The following LHPP variants were observed in gnomAD, a reference collection of about 807,000 sequenced individuals.
LHPP encodes hLHPP.
LHPP carries 24 observed loss-of-function variants against 30.3 expected under a neutral mutation model. The ratio of observed to expected loss-of-function variants is 0.79; its 90% CI spans 0.57 to 1.11. The LOEUF is 1.11. LHPP is among the 50% of genes most tolerant of loss of function. The pLI, the probability that LHPP is intolerant of heterozygous loss-of-function variation, is 0.00. For synonymous variants in LHPP, 150 were observed against 157.1 expected, an observed-to-expected ratio of 0.95 and a Z score of 0.34; for missense variants, 356 against 367.2, an observed-to-expected ratio of 0.97 and a Z score of 0.25.
intron 6 of LHPP, chr10:124,553,910 T>C: frequency 1.0e-6 from 1 of 985,486 alleles, no homozygotes. Context: ...GCTGTTGGCA[T>C]CTGTTCTTTT....
At position 124,592,896 on chromosome 10, in the gene LHPP, G is replaced by A. The variant is rs913342180; in HGVS notation, c.717-20368G>A. Among the ~76,000 whole-genome samples, 16 of 152,326 alleles carry A rather than the reference G, an allele frequency of 1.1e-4. No homozygotes were observed. Among genetic ancestry groups the A allele is most frequent in the African/African-American group, 3.8e-4 (16 of 41,578 alleles). ...GGATGGGGTCCCTGTGGGCACAATC[G>A]GCCCAGTGTGGGGCGCACCGCCCCA... On this transcript the variant is annotated intron_variant, in intron 6 of 6. Coordinates refer to ENST00000368842, the MANE Select transcript of LHPP (RefSeq NM_022126.4). The surrounding 1 kb of genome is among the most constrained non-coding windows in gnomAD (Gnocchi z 6.2).
At chr10:124,575,536 C>T (rs1948646847) in intron 6 of LHPP, among the ~76,000 whole-genome samples, 1 of 152,170 alleles carries the variant, frequency 6.6e-6, no homozygotes. Context: ...TGACAGTCCC[C>T]TGTGCCCATG....
In LHPP at chr10:124,461,922, C is replaced by A; in HGVS notation, c.60C>A (p.Gly20=). 1 of 1,252,614 alleles carries A rather than the reference C, an allele frequency of 8.0e-7. No individual in the cohort carries two copies. Among genetic ancestry groups the A allele is most frequent in the East Asian group, 3.1e-5 (1 of 32,692 alleles). The allele number at this position is 1,252,614 out of a possible 1,614,324, so 77.6% of individuals were successfully genotyped here. The part of the protein sequence containing the change: ...GVRGVLLDIS[G]VLYDSGAGGG... Reference sequence around the variant, plus strand: ...GCGGGGTGCTGCTTGACATCTCGGGCGTGCTGTACGACAGCGGCGCGGGCG... The same window carrying A: ...GCGGGGTGCTGCTTGACATCTCGGGAGTGCTGTACGACAGCGGCGCGGGCG... Residue 20 remains glycine (G), a synonymous_variant, in exon 1 of 7, where the codon GGC becomes GGA. Coordinates refer to ENST00000368842, the MANE Select transcript of LHPP (RefSeq NM_022126.4).
At position 124,589,624 on chromosome 10, in the gene LHPP, C is replaced by T. The variant is rs1389599467; in HGVS notation, c.717-23640C>T. 2.6e-5 allele frequency among the ~76,000 whole-genome samples: 4 copies of T among 152,234 alleles called. No homozygotes were observed. In the East Asian group the frequency reaches 7.7e-4, roughly 29 times the overall value. On this transcript the variant is annotated intron_variant, in intron 6 of 6. Coordinates refer to ENST00000368842, the MANE Select transcript of LHPP (RefSeq NM_022126.4). ...CAGGTCCCAGTGTGCAGAGCTCACC[C>T]GGCCCCAGCTTTCATCACCCATCTG...
At chr10:124,492,816 G>A (rs187681813) in intron 3 of LHPP, among the ~76,000 whole-genome samples, 73 of 152,298 alleles carry the variant, frequency 4.8e-4, no homozygotes, top group African/African-American at 1.7e-3. Context: ...AGGCCTTTGA[G>A]TCACCAACAC....
intron 5 of LHPP, 115 bp downstream of exon 5, chr10:124,498,243 C>A: frequency 6.7e-7 from 1 of 1,495,334 alleles, no homozygotes. Context: ...GGCAGCCAAG[C>A]GTGGGCTCCC....
At chr10:124,501,615 A>AG (rs1343780459) in intron 5 of LHPP, among the ~76,000 whole-genome samples, 15 of 150,372 alleles carry the variant, frequency 1.0e-4, no homozygotes, top group Non-Finnish European at 2.9e-5. Flanking sequence ...AAAAAAAAAA[A>AG]AAAAAAGAAA....
intron 6 of LHPP, among the ~76,000 whole-genome samples, chr10:124,587,476 C>T (rs945642442): frequency 1.3e-5 from 2 of 151,754 alleles, no homozygotes; most frequent in Non-Finnish European, 2.9e-5. Flanking sequence ...CGCAGTGGCT[C>T]ACGTCTGTAA....
intron 1 of LHPP, among the ~76,000 whole-genome samples, chr10:124,462,614 AC>A (rs1176083759): frequency 2.6e-5 from 4 of 152,060 alleles, no homozygotes; most frequent in African/African-American, 7.2e-5. Flanking sequence ...CCCCAAAAAC[AC>A]CAGACTTCGT....
At chr10:124,474,141 T>G (rs1030594972) in intron 1 of LHPP, among the ~76,000 whole-genome samples, 16 of 141,846 alleles carry the variant, frequency 1.1e-4, no homozygotes, top group African/African-American at 3.9e-4. Flanking sequence ...CCTTTTTTTT[T>G]TTTTTTTTTT....
Position 124,498,423 on chromosome 10 carries a change from A to G in LHPP, c.624+295A>G. ...AGGATAAGAATTGACAAGTCCTATC[A>G]GTGTGTTAATATATCTCACTGGCAA... is the stretch of plus-strand genomic sequence containing the variant. On this transcript the variant is annotated intron_variant, in intron 5 of 6. Transcript: ENST00000368842. 2.6e-5 allele frequency: 40 copies of G among 1,536,634 alleles called. 1 individual carries two copies. Among genetic ancestry groups the G allele is most frequent in the Admixed American group, 4.0e-5 (2 of 50,238 alleles).
intron 6 of LHPP, among the ~76,000 whole-genome samples, chr10:124,568,757 A>C (rs1381690679): frequency 1.3e-5 from 2 of 152,180 alleles, no homozygotes; most frequent in South Asian, 2.1e-4. Flanking sequence ...AGTGAGGAGG[A>C]GGCCAGCTTT....
At chr10:124,525,420 A>G (rs1589829127) in intron 6 of LHPP, among the ~76,000 whole-genome samples, 1 of 152,202 alleles carries the variant, frequency 6.6e-6, no homozygotes, top group South Asian at 2.1e-4. Flanking sequence ...TTATGCCCCC[A>G]CCACGGGGGG....
At chr10:124,591,219 A>C (rs1948879361) in intron 6 of LHPP, among the ~76,000 whole-genome samples, 1 of 152,214 alleles carries the variant, frequency 6.6e-6, no homozygotes, top group South Asian at 2.1e-4. Flanking sequence ...TCCAGCCGGC[A>C]TGGCCTGAGC....
chr10:124,508,319 A>G (rs1954212993), intron 5 of LHPP, among the ~76,000 whole-genome samples: 1 of 152,136 alleles, frequency 6.6e-6, no homozygotes, highest in South Asian at 2.1e-4. Flanking sequence ...CCTGACTGGG[A>G]GCAGGCTGGC....
intron 6 of LHPP, among the ~76,000 whole-genome samples, chr10:124,591,569 A>C (rs2134001914): frequency 6.6e-6 from 1 of 152,242 alleles, no homozygotes; most frequent in East Asian, 1.9e-4. Context: ...CCAAGGCCAC[A>C]CAGCAGGTGG....
rs1953300838 is a variant in LHPP at position 124,485,591 on chromosome 10, T to C, written c.313+1265T>C. On this transcript the variant is annotated intron_variant, in intron 2 of 6. Transcript: ENST00000368842. ...CAACAAAGTTCAAATAATTTTTACT[T>C]GGAATAGTTTTGGTTTTTTTTTTGG... 6.5e-5 allele frequency among the ~76,000 whole-genome samples: 9 copies of C among 138,658 alleles called. No individual in the cohort carries two copies. The Admixed American group carries it at 7.0e-4, about 11-fold the overall frequency. 91.0% of individuals were successfully genotyped at this position (138,658 alleles called of 152,430 possible).
At chr10:124,601,814 C>T (rs1564848683) in intron 6 of LHPP, among the ~76,000 whole-genome samples, 1 of 152,268 alleles carries the variant, frequency 6.6e-6, no homozygotes, top group Admixed American at 6.5e-5. Context: ...TTGCCTCAGG[C>T]CTGGCTCCCC....
rs779128039 is a variant in LHPP at position 124,592,174 on chromosome 10, T to A, written c.717-21090T>A. Among the ~76,000 whole-genome samples the A allele has an allele frequency of 6.6e-6, 1 of 152,182 alleles. No homozygotes were observed. The highest frequency in any genetic ancestry group is 1.5e-5 in the Non-Finnish European group (1 of 68,028). ...GGCACAGTGTGGTCTGGCCTGTGAC[T>A]AGGTGAGGGACAGTGCGGGGTGGCC... is the stretch of plus-strand genomic sequence containing the variant. On this transcript the variant is annotated intron_variant, in intron 6 of 6. Transcript: ENST00000368842. The surrounding 1 kb of genome is among the most constrained non-coding windows in gnomAD (Gnocchi z 6.2).
Sources: allele counts gnomAD v4.1 joint callset (sites outside exome capture counted in the v4.1 genomes callset), GRCh38; gene constraint gnomAD v4.1.1; non-coding constraint Gnocchi (gnomAD v3.1); transcripts MANE v1.5; gene names NCBI Gene and HGNC (gene_info 2026-07-23, HGNC 2026-07-21).